DCAF8L2: variants seen among roughly 807,000 people sequenced by gnomAD.
The protein encoded by DCAF8L2 is DDB1 and CUL4 associated factor 8 like 2.
For missense variants in DCAF8L2, 430 were observed against 490.7 expected, an observed-to-expected ratio of 0.88 and a Z score of 1.17; for synonymous variants, 200 against 190.9, an observed-to-expected ratio of 1.05 and a Z score of -0.39.
the DCAF8L2 span, among the ~76,000 whole-genome samples, chrX:27,539,992 C>G: frequency 9.1e-6 from 1 of 110,323 alleles, no homozygotes; most frequent in Non-Finnish European, 1.9e-5. Context: ...CTTAAAATCT[C>G]TCTTCCTGGA....
intron 3 of DCAF8L2, among the ~76,000 whole-genome samples, chrX:27,708,251 C>T (rs1463867805): frequency 1.8e-5 from 2 of 111,731 alleles, no homozygotes; most frequent in Non-Finnish European, 3.8e-5. Flanking sequence ...TGAGAACATG[C>T]GCTATTGTTT....
upstream of DCAF8L2, among the ~76,000 whole-genome samples, chrX:27,588,845 C>T (rs923342252): frequency 8.1e-5 from 9 of 110,569 alleles, no homozygotes; most frequent in Non-Finnish European, 1.7e-4. Flanking sequence ...GCTTCTAAGA[C>T]AATATAACCT....
chrX:27,673,004 A>G (rs1160955848), intron 2 of DCAF8L2, among the ~76,000 whole-genome samples: 1 of 110,925 alleles, frequency 9.0e-6, no homozygotes, highest in Admixed American at 9.7e-5. Context: ...GAGTCCCCAC[A>G]AGCCCTGAAG....
the DCAF8L2 span, among the ~76,000 whole-genome samples, chrX:27,563,922 T>C: frequency 8.9e-6 from 1 of 112,360 alleles, no homozygotes; most frequent in Non-Finnish European, 1.9e-5. Context: ...ATAGCTTGTA[T>C]ATTTGTTAAG....
At chrX:27,594,079 G>T (rs1459027832) in intron 1 of DCAF8L2, among the ~76,000 whole-genome samples, 1 of 111,864 alleles carries the variant, frequency 8.9e-6, no homozygotes, top group African/African-American at 3.2e-5. Context: ...GAAGTAGAAA[G>T]AAAAGAAAGT....
rs1482262693 is a variant in DCAF8L2, at chrX:27,741,936, A to G, written c.-58-4902A>G. On this transcript the variant is annotated intron_variant, in intron 4 of 4. Coordinates refer to ENST00000451261, the MANE Select transcript of DCAF8L2 (RefSeq NM_001353450.2). ...CAGATGAGCACACTCAGGTCTAGAAACTATATTATTTAACCTAGGCTAGCT... is the reference window on the plus strand; with the variant it reads ...CAGATGAGCACACTCAGGTCTAGAAGCTATATTATTTAACCTAGGCTAGCT... 5.4e-5 allele frequency among the ~76,000 whole-genome samples: 6 copies of G among 112,114 alleles called. No homozygotes were observed. The Admixed American group carries it at 5.7e-4, about 11-fold the overall frequency.
the DCAF8L2 span, among the ~76,000 whole-genome samples, chrX:27,523,714 C>T: frequency 9.2e-6 from 1 of 108,691 alleles, no homozygotes; most frequent in East Asian, 2.9e-4. Flanking sequence ...GTGTGCTGCA[C>T]CAGTTAACTC....
At chrX:27,551,212 A>G in the DCAF8L2 span, among the ~76,000 whole-genome samples, 2 of 109,350 alleles carry the variant, frequency 1.8e-5, no homozygotes, top group Non-Finnish European at 3.8e-5. Context: ...GTTCAAATGA[A>G]AGGAAGAGTC....
At chrX:27,573,867 T>C in the DCAF8L2 span, among the ~76,000 whole-genome samples, 4 of 106,550 alleles carry the variant, frequency 3.8e-5, no homozygotes, top group Admixed American at 4.0e-4. Flanking sequence ...CTCTCTCTCT[T>C]TTTTTTTTTT....
chrX:27,728,728 C>T (rs1036993033), intron 4 of DCAF8L2, among the ~76,000 whole-genome samples: 2 of 112,078 alleles, frequency 1.8e-5, no homozygotes, highest in Non-Finnish European at 3.8e-5. Flanking sequence ...CATGTGCCTT[C>T]CTTTTTCTTC....
At chrX:27,521,325 G>T in the DCAF8L2 span, among the ~76,000 whole-genome samples, 2 of 112,178 alleles carry the variant, frequency 1.8e-5, no homozygotes, top group Non-Finnish European at 3.8e-5. Flanking sequence ...TTCTGTGTCT[G>T]TTAAGTTGCC....
the DCAF8L2 span, among the ~76,000 whole-genome samples, chrX:27,480,367 C>T: frequency 1.4e-4 from 16 of 112,259 alleles, no homozygotes; most frequent in African/African-American, 4.2e-4. Context: ...TCTCTCCTTC[C>T]TTGTTCTGGT....
upstream of DCAF8L2, among the ~76,000 whole-genome samples, chrX:27,587,986 ATAT>A (rs1361743480): frequency 1.1e-3 from 56 of 51,751 alleles, no homozygotes; most frequent in African/African-American, 3.1e-3. Flanking sequence ...AAAAAAAAAA[ATAT>A]ATATATATAT....
the DCAF8L2 span, among the ~76,000 whole-genome samples, chrX:27,472,766 C>T: frequency 7.2e-5 from 8 of 111,756 alleles, no homozygotes; most frequent in Non-Finnish European, 1.1e-4. Flanking sequence ...TGTATATGTA[C>T]CACATTTTCT....
chrX:27,662,162 G>C (rs1019563157), intron 2 of DCAF8L2, among the ~76,000 whole-genome samples: 1 of 111,159 alleles, frequency 9.0e-6, no homozygotes, highest in Non-Finnish European at 1.9e-5. Flanking sequence ...GAAGAAAGAA[G>C]AGCAAGAGAT....
the DCAF8L2 span, among the ~76,000 whole-genome samples, chrX:27,533,196 A>C: frequency 1.3e-3 from 35 of 27,919 alleles, 1 homozygote; most frequent in Non-Finnish European, 2.7e-3. Flanking sequence ...GAAAGAAAGA[A>C]AGAAAGAAAG....
intron 4 of DCAF8L2, among the ~76,000 whole-genome samples, chrX:27,720,443 G>C (rs1036757542): frequency 9.1e-6 from 1 of 110,091 alleles, no homozygotes; most frequent in African/African-American, 3.3e-5. Flanking sequence ...GCGCAATCTC[G>C]GCTCACTGCA....
rs779171774 is a variant in DCAF8L2, at chrX:27,594,444, A to AAT, written c.-342+4016_-342+4017dup. On this transcript the variant is annotated intron_variant, in intron 1 of 4. Transcript: ENST00000451261. The stretch of plus-strand genomic sequence containing the variant: ...CTCAGAATCTTGAAAGAATACTGAG[A>AAT]ATATATATATATACGTACAGACTCT... Among the ~76,000 whole-genome samples the AAT allele has an allele frequency of 7.3e-3, 804 of 110,616 alleles. 11 individuals are homozygous for AAT. The highest frequency in any genetic ancestry group is 0.025 in the African/African-American group (755 of 30,577).
intron 1 of DCAF8L2, among the ~76,000 whole-genome samples, chrX:27,603,075 A>C (rs1227029580): frequency 9.0e-6 from 1 of 111,673 alleles, no homozygotes; most frequent in East Asian, 2.8e-4. Flanking sequence ...GTCCTCTAAG[A>C]AACGTTTGTT....
Sources: gnomAD v4.1 joint callset for allele counts (sites outside exome capture counted in the v4.1 genomes callset) on GRCh38, gnomAD v4.1.1 for gene constraint, MANE v1.5 for transcripts, NCBI Gene and HGNC (gene_info 2026-07-23, HGNC 2026-07-21) for gene names.